Variants in HHIP observed in about 807,000 individuals in gnomAD.
HHIP encodes the protein hedgehog interacting protein.
HHIP carries 12 observed loss-of-function variants against 74.0 expected under a neutral mutation model. That is an observed-to-expected ratio of 0.16 (90% CI 0.10 to 0.26). HHIP has a LOEUF of 0.26. Among genes scored for constraint, HHIP ranks in the 10% least tolerant of loss-of-function variants. HHIP has a pLI of 1.00. For missense variants in HHIP, 788 were observed against 845.0 expected, an observed-to-expected ratio of 0.93 and a Z score of 0.84; for synonymous variants, 309 against 311.6, an observed-to-expected ratio of 0.99 and a Z score of 0.09.
At chr4:144,694,334 GTTTT>G (rs199885401) in intron 4 of HHIP, among the ~76,000 whole-genome samples, 1 of 146,102 alleles carries the variant, frequency 6.8e-6, no homozygotes, top group Non-Finnish European at 1.5e-5. Context: ...AACTATTGGG[GTTTT>G]TTTTTTCAAG....
rs968628003 is a variant in HHIP, at chr4:144,738,176, G to A, written c.*219G>A. 6 of 1,149,114 alleles carry A rather than the reference G, an allele frequency of 5.2e-6. No homozygotes were observed. The East Asian group carries it at 1.6e-4, about 31-fold the overall frequency. The allele number at this position is 1,149,114 out of a possible 1,614,324, so 71.2% of individuals were successfully genotyped here. A position where few individuals can be genotyped will look rare whatever the true frequency, so the allele number is the denominator to read the frequency against. Reference sequence around the variant, plus strand: ...ACTCATAACCCCTATATGCGTTGTTGCATAACAGATGATTTTTTAAAATAT... The same window carrying A: ...ACTCATAACCCCTATATGCGTTGTTACATAACAGATGATTTTTTAAAATAT... On this transcript the variant is annotated 3_prime_UTR_variant, in exon 13 of 13. Coordinates refer to ENST00000296575, the MANE Select transcript of HHIP (RefSeq NM_022475.3).
In HHIP at chr4:144,734,782, C is replaced by A. The variant is rs1345300393; in HGVS notation, c.1802C>A (p.Ala601Glu). 9 of 1,611,202 alleles carry A rather than the reference C, an allele frequency of 5.6e-6. No homozygotes were observed. Among genetic ancestry groups the A allele is most frequent in the Non-Finnish European group, 6.8e-6 (8 of 1,177,832 alleles). ...PEECRATVQP[A>E]QTLTSECSRL... ...GAATGCAGAGCCACGGTACAACCTGCACAGACACTGACTTCAGAGTGCTCC... is the reference window on the plus strand; with the variant it reads ...GAATGCAGAGCCACGGTACAACCTGAACAGACACTGACTTCAGAGTGCTCC... The change falls in exon 12 of 13, where the codon GCA (alanine) becomes GAA (glutamate). Residue 601 changes from alanine to glutamate, a missense_variant. By Grantham distance (107) the Ala-to-Glu change is moderately radical (BLOSUM62 -1). Around this residue, in one of 3 missense-constraint regions of HHIP, gnomAD observed 343 missense variants for 347.9 expected, o/e 0.99. Coordinates refer to ENST00000296575, the MANE Select transcript of HHIP (RefSeq NM_022475.3).
chr4:144,682,107 T>A (rs1240521327), intron 4 of HHIP, among the ~76,000 whole-genome samples: 3 of 152,220 alleles, frequency 2.0e-5, no homozygotes, highest in African/African-American at 7.2e-5. Context: ...AGAACGTTCA[T>A]GTTTCTGAGT....
At chr4:144,694,558 C>A (rs1012007442) in intron 4 of HHIP, among the ~76,000 whole-genome samples, 1 of 151,798 alleles carries the variant, frequency 6.6e-6, no homozygotes, top group Non-Finnish European at 1.5e-5. Flanking sequence ...ATTAGCCACA[C>A]ATCGTAAAAA....
At chr4:144,715,712 A>G (rs910802344) in intron 10 of HHIP, 1 of 203,152 alleles carries the variant, frequency 4.9e-6, no homozygotes, top group African/African-American at 2.3e-5. Context: ...CTGAAGAGAT[A>G]ATTTTTTAAA....
At position 144,739,114 on chromosome 4, in the gene HHIP, A is replaced by G. The variant is rs1034382784; in HGVS notation, c.*1157A>G. The stretch of plus-strand genomic sequence containing the variant: ...AATAATTCTTGCCAAATATGACTTT[A>G]AATGTACGTGTTCCTTCAGAACTCA... On this transcript the variant is annotated 3_prime_UTR_variant, in exon 13 of 13. Coordinates refer to ENST00000296575, the MANE Select transcript of HHIP (RefSeq NM_022475.3). The G allele has an allele frequency of 6.6e-6, 1 of 152,190 alleles. No individual in the cohort carries two copies. Among genetic ancestry groups the G allele is most frequent in the African/African-American group, 2.4e-5 (1 of 41,450 alleles). The allele number at this position is 152,190 out of a possible 1,614,324, so 9.4% of individuals were successfully genotyped here. A position where few individuals can be genotyped will look rare whatever the true frequency, so the allele number is the denominator to read the frequency against.
At chr4:144,714,079 C>T (rs956905056) in intron 8 of HHIP, 146 bp from the exon 9 acceptor site, 55 of 655,264 alleles carry the variant, frequency 8.4e-5, no homozygotes, top group Middle Eastern at 4.0e-4. Flanking sequence ...AGACTGTTTT[C>T]ATTAAATAGC....
chr4:144,691,095 G>A (rs1729648737), intron 4 of HHIP, among the ~76,000 whole-genome samples: 1 of 151,868 alleles, frequency 6.6e-6, no homozygotes, highest in African/African-American at 2.4e-5. Context: ...TATATTGAGG[G>A]GCTCCCAGAC....
At chr4:144,672,177 G>C (rs1393540164) in intron 4 of HHIP, among the ~76,000 whole-genome samples, 2 of 152,038 alleles carry the variant, frequency 1.3e-5, no homozygotes, top group Non-Finnish European at 2.9e-5. Context: ...GCTTTATTTT[G>C]ATTTTTTTCC....
At chr4:144,730,250 A>T (rs1308376157) in intron 11 of HHIP, among the ~76,000 whole-genome samples, 1 of 152,178 alleles carries the variant, frequency 6.6e-6, no homozygotes, top group East Asian at 1.9e-4. Context: ...AAATTTTTTT[A>T]AATTTCTGAA....
Position 144,741,634 on chromosome 4 carries a change from G to C in HHIP, c.*3677G>C, listed in dbSNP as rs1227719125. ...AGACTTCAAGTGATCCAGCCCCCCA[G>C]GCCTCCCAAAGTGCTAGGATTACAG... On this transcript the variant is annotated 3_prime_UTR_variant, in exon 13 of 13. Coordinates refer to ENST00000296575, the MANE Select transcript of HHIP (RefSeq NM_022475.3). 1 of 151,960 alleles carries C rather than the reference G, an allele frequency of 6.6e-6. No individual in the cohort carries two copies. The highest frequency in any genetic ancestry group is 1.5e-5 in the Non-Finnish European group (1 of 68,028). 9.4% of individuals were successfully genotyped at this position (151,960 alleles called of 1,614,324 possible).
chr4:144,653,105 C>A (rs1018925746), intron 2 of HHIP, among the ~76,000 whole-genome samples: 4 of 152,084 alleles, frequency 2.6e-5, no homozygotes, highest in African/African-American at 9.7e-5. Flanking sequence ...AATCCAAACT[C>A]CTCGTTGGTG....
Position 144,743,539 on chromosome 4 carries a change from A to G in HHIP, c.*5582A>G, listed in dbSNP as rs964625529. 16 of 152,058 alleles carry G rather than the reference A, an allele frequency of 1.1e-4. No homozygotes were observed. The highest frequency in any genetic ancestry group is 3.6e-4 in the African/African-American group (15 of 41,440). 9.4% of individuals were successfully genotyped at this position (152,058 alleles called of 1,614,324 possible). A position where few individuals can be genotyped will look rare whatever the true frequency, so the allele number is the denominator to read the frequency against. The stretch of plus-strand genomic sequence containing the variant: ...AGGTTACTTCTCACATACATCATAA[A>G]GTCAGCCATCATCTTTCATTTAGGA... On this transcript the variant is annotated 3_prime_UTR_variant, in exon 13 of 13. Transcript: ENST00000296575.
At chr4:144,726,658 T>A (rs1212372899) in intron 11 of HHIP, among the ~76,000 whole-genome samples, 1 of 152,088 alleles carries the variant, frequency 6.6e-6, no homozygotes, top group Non-Finnish European at 1.5e-5. Context: ...AAAGAGAATA[T>A]CAGCACAACA....
chr4:144,649,530 T>A (rs532574009), intron 1 of HHIP, among the ~76,000 whole-genome samples: 13 of 152,304 alleles, frequency 8.5e-5, no homozygotes, highest in Non-Finnish European at 1.6e-4. Context: ...ATAAGTACTG[T>A]CAAAATTTAG....
intron 11 of HHIP, among the ~76,000 whole-genome samples, chr4:144,732,090 G>A (rs1055206150): frequency 2.6e-5 from 4 of 151,972 alleles, no homozygotes; most frequent in Non-Finnish European, 2.9e-5. Context: ...CTTCAGTGAA[G>A]AAGGGAAAAA....
At chr4:144,709,042 AG>A (rs1339056443) in intron 7 of HHIP, among the ~76,000 whole-genome samples, 1 of 152,206 alleles carries the variant, frequency 6.6e-6, no homozygotes, top group East Asian at 1.9e-4. Context: ...CAGTAACGAA[AG>A]CTTCATCCAG....
intron 4 of HHIP, among the ~76,000 whole-genome samples, chr4:144,705,288 T>C (rs1730102662): frequency 1.3e-5 from 2 of 152,248 alleles, no homozygotes; most frequent in South Asian, 4.1e-4. Context: ...GCTTTGCTAG[T>C]AACATATACT....
At chr4:144,709,026 C>T (rs1400273253) in intron 7 of HHIP, among the ~76,000 whole-genome samples, 2 of 152,088 alleles carry the variant, frequency 1.3e-5, no homozygotes, top group Non-Finnish European at 2.9e-5. Context: ...TATAATACAG[C>T]AATTTCAGTA....
Sources: gnomAD v4.1 joint callset for allele counts (sites outside exome capture counted in the v4.1 genomes callset) on GRCh38, gnomAD v4.1.1 for gene constraint, gnomAD v4.1.1 regional missense constraint, MANE v1.5 for transcripts, NCBI Gene and HGNC (gene_info 2026-07-23, HGNC 2026-07-21) for gene names.